The following SLC39A11 variants were observed in gnomAD, a reference collection of about 807,000 sequenced individuals.
SLC39A11 encodes zinc transporter ZIP11.
Under a neutral mutation model 36.1 loss-of-function variants are expected in SLC39A11, and 33 were observed. That is an observed-to-expected ratio of 0.91 (90% CI 0.69 to 1.22). The LOEUF (loss-of-function observed/expected upper bound fraction) is 1.22. SLC39A11 is among the 50% of genes most tolerant of loss of function. The pLI is 0.00. For missense variants in SLC39A11, 432 were observed against 430.3 expected (o/e 1.00, Z -0.03); for synonymous variants, 166 against 170.3 (o/e 0.97, Z 0.20).
intron 7 of SLC39A11, among the ~76,000 whole-genome samples, chr17:72,658,098 A>G (rs1045884043): frequency 2.6e-5 from 4 of 152,204 alleles, no homozygotes; most frequent in Non-Finnish European, 5.9e-5. Flanking sequence ...GCTGCTTAGG[A>G]AACCCCCAGA....
intron 4 of SLC39A11, among the ~76,000 whole-genome samples, chr17:72,959,866 CA>C (rs2086500471): frequency 6.6e-6 from 1 of 152,128 alleles, no homozygotes. Flanking sequence ...TGTACATGGA[CA>C]AAATCTCCTT....
At chr17:72,662,669 A>T (rs1018278182) in intron 7 of SLC39A11, among the ~76,000 whole-genome samples, 1 of 149,950 alleles carries the variant, frequency 6.7e-6, no homozygotes, top group African/African-American at 2.4e-5. Flanking sequence ...AAGAAAAAGG[A>T]AGGAAAAGAA....
intron 6 of SLC39A11, among the ~76,000 whole-genome samples, chr17:72,799,764 G>GAGGGGGAAA (rs2077021253): frequency 6.6e-6 from 1 of 151,714 alleles, no homozygotes; most frequent in Non-Finnish European, 1.5e-5. Flanking sequence ...TGTTTATCAA[G>GAGGGGGAAA]ACAATATGTG....
At chr17:72,716,614 A>G (rs1270368777) in intron 7 of SLC39A11, among the ~76,000 whole-genome samples, 1 of 152,120 alleles carries the variant, frequency 6.6e-6, no homozygotes, top group African/African-American at 2.4e-5. Context: ...AATAAAAAAT[A>G]GAAGTTACCA....
intron 4 of SLC39A11, among the ~76,000 whole-genome samples, chr17:73,031,219 G>C (rs2058728787): frequency 7.3e-6 from 1 of 137,148 alleles, no homozygotes; most frequent in African/African-American, 3.3e-5. Context: ...CCCTGATGAT[G>C]TCATACTCTC....
chr17:72,882,979 T>C (rs1410856240), intron 5 of SLC39A11, among the ~76,000 whole-genome samples: 1 of 151,932 alleles, frequency 6.6e-6, no homozygotes, highest in Non-Finnish European at 1.5e-5. Context: ...GTATTTTTAG[T>C]AGAGATGGGG....
At chr17:72,665,642 C>T (rs2070723182) in intron 7 of SLC39A11, among the ~76,000 whole-genome samples, 1 of 152,010 alleles carries the variant, frequency 6.6e-6, no homozygotes, top group Admixed American at 6.6e-5. Flanking sequence ...CCTACCTCAG[C>T]TCCCAAAGTG....
At chr17:73,068,054 C>A (rs1469494906) in intron 3 of SLC39A11, 1 of 1,560,142 alleles carries the variant, frequency 6.4e-7, no homozygotes, top group Non-Finnish European at 8.8e-7. Context: ...TTGGATGGTT[C>A]ATGTTCGCTC....
intron 3 of SLC39A11, among the ~76,000 whole-genome samples, chr17:73,031,996 G>A (rs1231076994): frequency 6.6e-6 from 1 of 152,130 alleles, no homozygotes; most frequent in African/African-American, 2.4e-5. Flanking sequence ...TTCTCAACCA[G>A]CAATGGTTTT....
intron 5 of SLC39A11, among the ~76,000 whole-genome samples, chr17:72,906,556 A>G (rs2082666643): frequency 6.6e-6 from 1 of 152,158 alleles, no homozygotes; most frequent in Admixed American, 6.5e-5. Flanking sequence ...GCCTAGGCCA[A>G]GGGTATTTCA....
At chr17:72,908,785 T>G (rs1000072763) in intron 5 of SLC39A11, among the ~76,000 whole-genome samples, 1 of 152,110 alleles carries the variant, frequency 6.6e-6, no homozygotes, top group Non-Finnish European at 1.5e-5. Flanking sequence ...CAAATCCCAA[T>G]TGGATGGGTA....
intron 4 of SLC39A11, among the ~76,000 whole-genome samples, chr17:72,959,323 G>GTACATATATATA (rs766454318): frequency 1.2e-5 from 1 of 81,474 alleles, no homozygotes; most frequent in Non-Finnish European, 2.4e-5. Flanking sequence ...GTGTGTGTGT[G>GTACATATATATA]TGTATATATA....
chr17:72,653,596 C>T (rs541848372), intron 7 of SLC39A11, among the ~76,000 whole-genome samples: 106 of 152,150 alleles, frequency 7.0e-4, no homozygotes, highest in African/African-American at 2.4e-3. Context: ...CCCACCACCA[C>T]GCCCAGCTAA....
chr17:72,647,662 A>C lies in SLC39A11; in HGVS notation c.930T>G (p.Ser310Arg), dbSNP rs2069618427. Residue 310 changes from serine to arginine, a missense_variant and splice_region_variant, in exon 10 of 10, where the codon AGT (serine) becomes AGG (arginine). Transcript: ENST00000255559. ...MDDIIPEAQI[S>R]GNGKLASWAS... ...CCCAGGATGCCAGTTTCCCATTACC[A>C]CTGGAAGAGAAGGACAGGAAGAAAA... The C allele has an allele frequency of 6.2e-7, 1 of 1,613,534 alleles. No homozygotes were observed. The highest frequency in any genetic ancestry group is 8.5e-7 in the Non-Finnish European group (1 of 1,179,648).
chr17:72,888,711 G>T (rs2081561723), intron 5 of SLC39A11, among the ~76,000 whole-genome samples: 1 of 151,994 alleles, frequency 6.6e-6, no homozygotes, highest in African/African-American at 2.4e-5. Context: ...AGATCAGCCT[G>T]GGCAACATAG....
At chr17:72,940,314 C>T (rs1309920700) in intron 5 of SLC39A11, among the ~76,000 whole-genome samples, 4 of 143,934 alleles carry the variant, frequency 2.8e-5, no homozygotes, top group East Asian at 2.0e-4. Flanking sequence ...TTGCTCTTGT[C>T]GCCCAGGCTG....
At chr17:72,699,395 T>C (rs1337294908) in intron 7 of SLC39A11, among the ~76,000 whole-genome samples, 5 of 152,220 alleles carry the variant, frequency 3.3e-5, no homozygotes, top group Non-Finnish European at 5.9e-5. Context: ...TGGGCAAGCT[T>C]GCTGTAGACT....
chr17:72,741,607 G>A (rs919277541), intron 6 of SLC39A11, among the ~76,000 whole-genome samples: 9 of 152,084 alleles, frequency 5.9e-5, no homozygotes, highest in Non-Finnish European at 2.9e-5. Context: ...TGAAGAGGAG[G>A]CCTAATTTGG....
intron 4 of SLC39A11, among the ~76,000 whole-genome samples, chr17:73,007,347 G>C (rs1264593508): frequency 1.3e-5 from 2 of 152,172 alleles, no homozygotes; most frequent in Non-Finnish European, 2.9e-5. Context: ...CTTGAAACCG[G>C]AAGGCAAAGG....
Sources: gnomAD v4.1 joint callset for allele counts (sites outside exome capture counted in the v4.1 genomes callset) on GRCh38, gnomAD v4.1.1 for gene constraint, MANE v1.5 for transcripts, NCBI Gene and HGNC (gene_info 2026-07-23, HGNC 2026-07-21) for gene names.